Variants in SORCS2 observed in about 807,000 individuals in gnomAD.
The protein encoded by SORCS2 is sortilin related VPS10 domain containing receptor 2, also known as VPS10 domain-containing receptor SorCS2.
In SORCS2, 100 loss-of-function variants were observed where a neutral mutation model predicts 141.6. The observed-to-expected ratio is 0.71, with a 90% CI of 0.60 to 0.83. The LOEUF (loss-of-function observed/expected upper bound fraction) is 0.83. SORCS2 is among the 40% of genes least tolerant of loss of function. The probability of loss-of-function intolerance (pLI) is 0.00; values close to 1 mark genes in which losing one functional copy is unlikely to be tolerated. For synonymous variants in SORCS2, 789 were observed against 676.9 expected (o/e 1.17, Z -2.57); for missense variants, 1,646 against 1,560.2 (o/e 1.05, Z -0.93).
intron 4 of SORCS2, 134 bp from the exon 5 acceptor site, chr4:7,654,000 G>C: frequency 1.2e-6 from 1 of 823,218 alleles, no homozygotes; most frequent in East Asian, 2.7e-5. Flanking sequence ...CATGAGCACA[G>C]CGCCTCCGCG....
chr4:7,309,294 C>T (rs2108917143), intron 1 of SORCS2, among the ~76,000 whole-genome samples: 1 of 152,336 alleles, frequency 6.6e-6, no homozygotes, highest in East Asian at 1.9e-4. Context: ...CTCAGGCTTC[C>T]TGACTTCTGG....
At chr4:7,236,469 G>A (rs1388144753) in intron 1 of SORCS2, among the ~76,000 whole-genome samples, 1 of 152,170 alleles carries the variant, frequency 6.6e-6, no homozygotes, top group Non-Finnish European at 1.5e-5. Flanking sequence ...AGGTGCTGGG[G>A]CAGGAGGGGT....
intron 1 of SORCS2, among the ~76,000 whole-genome samples, chr4:7,370,073 C>T (rs1233034943): frequency 6.6e-6 from 1 of 152,238 alleles, no homozygotes; most frequent in East Asian, 1.9e-4. Context: ...CTCAGTGCCC[C>T]CCCAGCTTAG....
chr4:7,319,737 A>G (rs912448393), intron 1 of SORCS2, among the ~76,000 whole-genome samples: 2 of 152,212 alleles, frequency 1.3e-5, no homozygotes, highest in Middle Eastern at 3.2e-3. Flanking sequence ...AACACATGAC[A>G]TTTAACCTAA....
rs1241910178 is a variant in SORCS2, at chr4:7,650,297, C to A, written c.814-3837C>A. On this transcript the variant is annotated intron_variant, in intron 4 of 26. Coordinates refer to ENST00000507866, the MANE Select transcript of SORCS2 (RefSeq NM_020777.3). Reference sequence around the variant, plus strand: ...GGGGCACCTTGAGAGGCAAAGGGCCCGGCTGGTGCTCGCACCTGGAGCGGA... The same window carrying A: ...GGGGCACCTTGAGAGGCAAAGGGCCAGGCTGGTGCTCGCACCTGGAGCGGA... 2.0e-5 allele frequency among the ~76,000 whole-genome samples: 3 copies of A among 152,176 alleles called. No individual in the cohort carries two copies. In the South Asian group the frequency reaches 6.2e-4, roughly 32 times the overall value.
At chr4:7,492,849 C>T (rs1456192891) in intron 2 of SORCS2, among the ~76,000 whole-genome samples, 1 of 152,200 alleles carries the variant, frequency 6.6e-6, no homozygotes, top group Non-Finnish European at 1.5e-5. Flanking sequence ...CGTGCACCTG[C>T]GGAGCCTCTG....
At chr4:7,637,894 G>T (rs528919617) in intron 3 of SORCS2, among the ~76,000 whole-genome samples, 47 of 151,356 alleles carry the variant, frequency 3.1e-4, no homozygotes, top group African/African-American at 1.1e-3. Flanking sequence ...GAGCCGGCTG[G>T]GTTGAGAGTG....
chr4:7,448,733 C>T (rs115128667), intron 2 of SORCS2, among the ~76,000 whole-genome samples: 44,363 of 88,180 alleles, frequency 0.5, 13,066 homozygotes, highest in East Asian at 0.79. Flanking sequence ...TCCCTCCCTT[C>T]CGTACTTCCT....
chr4:7,291,305 C>T (rs1170806515), intron 1 of SORCS2, among the ~76,000 whole-genome samples: 1 of 151,854 alleles, frequency 6.6e-6, no homozygotes. Flanking sequence ...GTTTGCTTTT[C>T]ACAGCAGCTT....
At chr4:7,469,273 GTGATGATGA>G (rs112815163) in intron 2 of SORCS2, among the ~76,000 whole-genome samples, 3 of 151,650 alleles carry the variant, frequency 2.0e-5, no homozygotes, top group East Asian at 1.9e-4. Context: ...GGTGGTGTTG[GTGATGATGA>G]TGATGATGAT....
intron 1 of SORCS2, among the ~76,000 whole-genome samples, chr4:7,257,883 C>G (rs1577328833): frequency 6.6e-6 from 1 of 152,150 alleles, no homozygotes; most frequent in South Asian, 2.1e-4. Flanking sequence ...GGGAGGAAGG[C>G]GAGGATGGGG....
chr4:7,294,685 T>TCCC (rs1380263933), intron 1 of SORCS2, among the ~76,000 whole-genome samples: 19 of 36,088 alleles, frequency 5.3e-4, no homozygotes, highest in Non-Finnish European at 8.7e-4. Context: ...CTCCTCCTCC[T>TCCC]CCCCCTCATC....
rs576950221 is a variant in SORCS2, at chr4:7,741,332, CGGTCACAGCAG to C, written c.*1069_*1079del. 48 of 398,588 alleles carry C rather than the reference CGGTCACAGCAG, an allele frequency of 1.2e-4. No homozygotes were observed. In the East Asian group the frequency reaches 1.6e-3, roughly 13 times the overall value. The allele number at this position is 398,588 out of a possible 1,614,324, so 24.7% of individuals were successfully genotyped here. ...AGGAGAGTAACTGAAGGTCACAGCA[CGGTCACAGCAG>C]AGGTGGCCGAACCCAGCCCTCTGCG... On this transcript the variant is annotated 3_prime_UTR_variant, in exon 27 of 27. Coordinates refer to ENST00000507866, the MANE Select transcript of SORCS2 (RefSeq NM_020777.3).
intron 1 of SORCS2, among the ~76,000 whole-genome samples, chr4:7,212,995 C>T (rs541447851): frequency 1.1e-4 from 16 of 152,330 alleles, no homozygotes; most frequent in South Asian, 4.1e-4. Flanking sequence ...TTGTGCTGCC[C>T]GGGTCTTCAG....
chr4:7,389,016 G>A (rs965767287), intron 1 of SORCS2, among the ~76,000 whole-genome samples: 3 of 152,224 alleles, frequency 2.0e-5, no homozygotes, highest in African/African-American at 4.8e-5. Flanking sequence ...AAGGCACATG[G>A]GCTCGTGCTT....
At chr4:7,278,485 G>A (rs969515084) in intron 1 of SORCS2, among the ~76,000 whole-genome samples, 1 of 152,216 alleles carries the variant, frequency 6.6e-6, no homozygotes, top group African/African-American at 2.4e-5. Context: ...ACAGCCCAGG[G>A]TCTGCTTAGC....
intron 1 of SORCS2, among the ~76,000 whole-genome samples, chr4:7,314,946 C>A (rs1718464605): frequency 6.6e-6 from 1 of 152,022 alleles, no homozygotes; most frequent in South Asian, 2.1e-4. Flanking sequence ...ATTCTCCTGC[C>A]TCAGCCTCCC....
At chr4:7,715,821 C>G (rs1187510001) in intron 17 of SORCS2, among the ~76,000 whole-genome samples, 1 of 152,202 alleles carries the variant, frequency 6.6e-6, no homozygotes, top group Non-Finnish European at 1.5e-5. Flanking sequence ...ATGGCACTTC[C>G]TCCAGGAAGC....
intron 1 of SORCS2, among the ~76,000 whole-genome samples, chr4:7,358,884 G>A (rs1369751292): frequency 6.6e-6 from 1 of 152,082 alleles, no homozygotes. Context: ...TGTCACCCAG[G>A]CTGGAGTATA....
Sources: allele counts gnomAD v4.1 joint callset (sites outside exome capture counted in the v4.1 genomes callset), GRCh38; gene constraint gnomAD v4.1.1; transcripts MANE v1.5; gene names NCBI Gene and HGNC (gene_info 2026-07-23, HGNC 2026-07-21).